The following ARHGAP30 variants were observed in gnomAD, a reference collection of about 807,000 sequenced individuals.
ARHGAP30 encodes Rho GTPase activating protein 30, also known as rho GTPase-activating protein 30.
ARHGAP30 carries 23 observed loss-of-function variants against 72.0 expected under a neutral mutation model. That is an observed-to-expected ratio of 0.32 (90% confidence interval 0.23 to 0.45). ARHGAP30 has a LOEUF of 0.45. Ranked by LOEUF, ARHGAP30 falls within the 20% of genes least tolerant of loss-of-function variation. The pLI is 1.00. For missense variants in ARHGAP30, 1,319 were observed against 1,383.4 expected (o/e 0.95, Z 0.74); for synonymous variants, 576 against 528.2 (o/e 1.09, Z -1.24).
chr1:161,062,806 G>A (rs61801072), intron 1 of ARHGAP30, among the ~76,000 whole-genome samples: 35,066 of 151,252 alleles, frequency 0.23, 4,610 homozygotes, highest in Middle Eastern at 0.3. Flanking sequence ...ATTATAATTC[G>A]CCACAGTCTT....
At chr1:161,057,009 C>T (rs955566799) in intron 2 of ARHGAP30, among the ~76,000 whole-genome samples, 3 of 152,154 alleles carry the variant, frequency 2.0e-5, no homozygotes, top group Non-Finnish European at 4.4e-5. Flanking sequence ...AAATTAAAAA[C>T]ATTTGTAGCC....
rs1651172975 is a variant in ARHGAP30 at position 161,049,344 on chromosome 1, C to T, written c.1687-10G>A. On this transcript the variant is annotated splice_polypyrimidine_tract_variant and intron_variant, in intron 11 of 11. Transcript: ENST00000368013. ...CAGAGAACTCCTCCACCTGTAGGCA[C>T]AGCATTGTGACTCAGGACCAGGAGG... 6.2e-7 allele frequency: 1 copy of T among 1,609,794 alleles called. No homozygotes were observed. The highest frequency in any genetic ancestry group is 1.3e-5 in the African/African-American group (1 of 74,812).
chr1:161,048,502 C>G lies in ARHGAP30; in HGVS notation c.2519G>C (p.Ser840Thr), dbSNP rs1172299075. 6 of 1,614,178 alleles carry G rather than the reference C, an allele frequency of 3.7e-6. No individual in the cohort carries two copies. Among genetic ancestry groups the G allele is most frequent in the Non-Finnish European group, 2.5e-6 (3 of 1,180,032 alleles). The stretch of plus-strand genomic sequence containing the variant: ...GTCTCCCTCAGCCTCTCCATCCCCA[C>G]TCTCCCGTTCCTTGCTGACCTCCCC... ...GAGEVSKERE[S>T]GDGEAEGDQR... The change falls in exon 12 of 12, where the codon AGT becomes ACT. Residue 840 changes from serine to threonine, a missense_variant. By Grantham distance (58) the Ser-to-Thr change is moderately conservative. Coordinates refer to ENST00000368013, the MANE Select transcript of ARHGAP30 (RefSeq NM_001025598.2).
intron 1 of ARHGAP30, among the ~76,000 whole-genome samples, chr1:161,063,076 G>T (rs569174959): frequency 1.3e-5 from 2 of 152,292 alleles, no homozygotes; most frequent in South Asian, 2.1e-4. Flanking sequence ...GCCTCTCAAA[G>T]TGCTGGGATT....
At chr1:161,064,820 A>G (rs1194186931) in intron 1 of ARHGAP30, among the ~76,000 whole-genome samples, 1 of 60,786 alleles carries the variant, frequency 1.6e-5, no homozygotes, top group African/African-American at 1.1e-4. Flanking sequence ...AGAAAGAAAG[A>G]AAGAAAGAAA....
intron 10 of ARHGAP30, among the ~76,000 whole-genome samples, chr1:161,051,074 A>G (rs1020420944): frequency 2.6e-5 from 4 of 152,176 alleles, no homozygotes; most frequent in Admixed American, 2.6e-4. Flanking sequence ...ACAGGCCCCT[A>G]TTCTTGGGTA....
At chr1:161,058,112 C>T (rs1214997861) in intron 2 of ARHGAP30, among the ~76,000 whole-genome samples, 1 of 151,812 alleles carries the variant, frequency 6.6e-6, no homozygotes, top group Admixed American at 6.6e-5. Flanking sequence ...GATCGCGACA[C>T]TGCACTCCAG....
chr1:161,064,837 G>GAAAGAA, intron 1 of ARHGAP30, among the ~76,000 whole-genome samples: 1 of 99,498 alleles, frequency 1.0e-5, no homozygotes, highest in Admixed American at 1.1e-4. Flanking sequence ...GAAAGAGAAA[G>GAAAGAA]AAAGAAAGAA....
At chr1:161,055,886 TAAATAAAATAAAATA>T (rs796072565) in intron 3 of ARHGAP30, among the ~76,000 whole-genome samples, 43 of 55,416 alleles carry the variant, frequency 7.8e-4, no homozygotes, top group East Asian at 3.5e-3. Context: ...AAAATAAAAA[TAAATAAAATAAAATA>T]AAATAAAATA....
At position 161,064,759 on chromosome 1, in the gene ARHGAP30, GAGAA is replaced by G. The variant is rs1168418861; in HGVS notation, c.97+4765_97+4768del. On this transcript the variant is annotated intron_variant, in intron 1 of 11. Transcript: ENST00000368013. ...GCAACAGAGTAAGACAAGAAAGAAA[GAGAA>G]AGAAAGAAAGAAAGAAAAAGAAAGA... 8.6e-4 allele frequency among the ~76,000 whole-genome samples: 102 copies of G among 118,390 alleles called. 1 individual carries two copies. The highest frequency in any genetic ancestry group is 2.2e-3 in the East Asian group (10 of 4,498). 77.7% of individuals were successfully genotyped at this position (118,390 alleles called of 152,430 possible). A position where few individuals can be genotyped will look rare whatever the true frequency, so the allele number is the denominator to read the frequency against.
At chr1:161,049,377 C>T in intron 11 of ARHGAP30, 43 bp from the exon 12 acceptor site, 1 of 1,599,848 alleles carries the variant, frequency 6.3e-7, no homozygotes, top group African/African-American at 1.3e-5. Flanking sequence ...AGGCCCTGTC[C>T]ACCCTTGACT....
chr1:161,061,386 G>A (rs951284724), intron 1 of ARHGAP30, among the ~76,000 whole-genome samples: 3 of 150,516 alleles, frequency 2.0e-5, no homozygotes, highest in South Asian at 2.1e-4. Context: ...GGCTGGTCTC[G>A]TACTCCTGAC....
rs779062119 is a variant in ARHGAP30, at chr1:161,053,329, C to T, written c.593G>A (p.Arg198Gln). ...FNGTAAFMEVRVQSIVVEFIL... is the reference protein window; with the variant it reads ...FNGTAAFMEVQVQSIVVEFIL... ...GAACTCCACGACGATGGATTGTACC[C>T]GCACCTCCATGAAGGCCGCTGTCCC... The change falls in exon 6 of 12, where the codon CGG becomes CAG. Residue 198 changes from arginine to glutamine, a missense_variant. This residue lies in a region of ARHGAP30 where 222 missense variants were observed against 338.2 expected (regional missense o/e 0.66). Coordinates refer to ENST00000368013, the MANE Select transcript of ARHGAP30 (RefSeq NM_001025598.2). The T allele has an allele frequency of 2.5e-6, 4 of 1,614,004 alleles. No individual in the cohort carries two copies. Among genetic ancestry groups the T allele is most frequent in the South Asian group, 1.1e-5 (1 of 91,080 alleles).
intron 2 of ARHGAP30, among the ~76,000 whole-genome samples, chr1:161,058,669 T>C (rs1652079364): frequency 2.1e-5 from 3 of 141,788 alleles, no homozygotes; most frequent in African/African-American, 8.0e-5. Context: ...AAGACCAGCC[T>C]GGCCGACATA....
At chr1:161,052,015 CCACCACCACCACCACCA>C (rs1651423637) in intron 9 of ARHGAP30, among the ~76,000 whole-genome samples, 1 of 102,570 alleles carries the variant, frequency 9.7e-6, no homozygotes, top group Admixed American at 1.0e-4. Context: ...ACCACCACCA[CCACCACCACCACCACCA>C]CCACCACCAC....
In ARHGAP30 at chr1:161,069,649, C is replaced by A. The variant is rs183626324; in HGVS notation, c.-25G>T. ...TGGCCAGAGCCCCAGGGCACTGGCCCGGTCACCTCTATCCCCCAAGACCTG... is the reference window on the plus strand; with the variant it reads ...TGGCCAGAGCCCCAGGGCACTGGCCAGGTCACCTCTATCCCCCAAGACCTG... On this transcript the variant is annotated 5_prime_UTR_variant, in exon 1 of 12. Coordinates refer to ENST00000368013, the MANE Select transcript of ARHGAP30 (RefSeq NM_001025598.2). The surrounding 1 kb of genome is among the most constrained non-coding windows in gnomAD (Gnocchi z 4.9). The A allele has an allele frequency of 6.2e-7, 1 of 1,601,986 alleles. No individual in the cohort carries two copies. The highest frequency in any genetic ancestry group is 1.1e-5 in the South Asian group (1 of 90,996).
intron 1 of ARHGAP30, among the ~76,000 whole-genome samples, chr1:161,067,185 A>G (rs1016661067): frequency 6.6e-6 from 1 of 152,164 alleles, no homozygotes; most frequent in Non-Finnish European, 1.5e-5. Flanking sequence ...TACAGACAGG[A>G]TTGGAGCGAT....
rs770749053 is a variant in ARHGAP30 at position 161,069,516 on chromosome 1, C to T, written c.97+12G>A. On this transcript the variant is annotated intron_variant, in intron 1 of 11. Coordinates refer to ENST00000368013, the MANE Select transcript of ARHGAP30 (RefSeq NM_001025598.2). The surrounding 1 kb of genome is among the most constrained non-coding windows in gnomAD (Gnocchi z 4.9). ...CCCACCCACCCTGCAGAAGCTGAGC[C>T]GGCCTCCTTACCCTCCTGGCCTGAG... The T allele has an allele frequency of 1.9e-5, 30 of 1,607,928 alleles. No homozygotes were observed. Among genetic ancestry groups the T allele is most frequent in the East Asian group, 1.3e-4 (6 of 44,898 alleles).
At chr1:161,068,910 C>A (rs1652954933) in intron 1 of ARHGAP30, among the ~76,000 whole-genome samples, 1 of 152,144 alleles carries the variant, frequency 6.6e-6, no homozygotes, top group Admixed American at 6.5e-5. Context: ...CCCCTTGCCC[C>A]CCACTTTGAA....
Sources: allele counts gnomAD v4.1 joint callset (sites outside exome capture counted in the v4.1 genomes callset), GRCh38; gene constraint gnomAD v4.1.1; regional missense constraint gnomAD v4.1.1; non-coding constraint Gnocchi (gnomAD v3.1); transcripts MANE v1.5; gene names NCBI Gene and HGNC (gene_info 2026-07-23, HGNC 2026-07-21).